SOX5: variants seen among roughly 807,000 people sequenced by gnomAD.
SOX5 encodes the protein transcription factor SOX-5.
Under a neutral mutation model 92.0 loss-of-function variants are expected in SOX5, and 9 were observed. The observed-to-expected ratio is 0.10, with a 90% CI of 0.06 to 0.17. The LOEUF (loss-of-function observed/expected upper bound fraction) is 0.17. Ranked by LOEUF, SOX5 falls within the 10% of genes least tolerant of loss-of-function variation. The pLI, the probability that SOX5 is intolerant of heterozygous loss-of-function variation, is 1.00. For missense variants in SOX5, 642 were observed against 944.5 expected, an observed-to-expected ratio of 0.68 and a Z score of 4.20; for synonymous variants, 344 against 336.3, an observed-to-expected ratio of 1.02 and a Z score of -0.25.
chr12:24,171,915 TTTAAG>T (rs1454836749), intron 4 of SOX5, among the ~76,000 whole-genome samples: 1 of 152,050 alleles, frequency 6.6e-6, no homozygotes, highest in Non-Finnish European at 1.5e-5. Context: ...GAAAGTGGCA[TTTAAG>T]TTGAGTCTTG....
chr12:23,674,484 C>T (rs771907211), intron 6 of SOX5, among the ~76,000 whole-genome samples: 2 of 151,482 alleles, frequency 1.3e-5, no homozygotes, highest in Non-Finnish European at 2.9e-5. Flanking sequence ...ATCACAGGCA[C>T]ACACCACCGC....
chr12:24,552,093 A>G (rs575214500), intron 1 of SOX5, among the ~76,000 whole-genome samples: 14 of 151,738 alleles, frequency 9.2e-5, no homozygotes, highest in Non-Finnish European at 1.8e-4. Flanking sequence ...CCACTCCCCA[A>G]CCCCTAGATT....
intron 4 of SOX5, among the ~76,000 whole-genome samples, chr12:24,074,188 T>C (rs1024548453): frequency 1.3e-5 from 2 of 152,184 alleles, no homozygotes; most frequent in African/African-American, 4.8e-5. Flanking sequence ...TGATCTCTCA[T>C]CAGGTCACAC....
At chr12:23,644,922 A>G (rs1384784461) in intron 7 of SOX5, among the ~76,000 whole-genome samples, 2 of 152,218 alleles carry the variant, frequency 1.3e-5, no homozygotes, top group African/African-American at 4.8e-5. Context: ...TCTTAAAATT[A>G]ACAAAAGCAA....
At chr12:23,798,827 T>A (rs2095611049) in intron 3 of SOX5, among the ~76,000 whole-genome samples, 1 of 152,034 alleles carries the variant, frequency 6.6e-6, no homozygotes, top group Non-Finnish European at 1.5e-5. Context: ...AGACTCATAT[T>A]AGAAACATAC....
intron 4 of SOX5, among the ~76,000 whole-genome samples, chr12:24,034,009 A>G (rs1013422086): frequency 3.1e-4 from 47 of 152,086 alleles, no homozygotes; most frequent in Non-Finnish European, 1.3e-4. Flanking sequence ...TCTATATTTT[A>G]TAAGTCCAGT....
At chr12:24,225,440 G>T (rs1273875803) in intron 3 of SOX5, among the ~76,000 whole-genome samples, 1 of 150,648 alleles carries the variant, frequency 6.6e-6, no homozygotes, top group African/African-American at 2.4e-5. Flanking sequence ...TTGGGCATCA[G>T]GAAAAGCCAT....
At chr12:24,162,913 C>T (rs1952929208) in intron 4 of SOX5, among the ~76,000 whole-genome samples, 1 of 152,130 alleles carries the variant, frequency 6.6e-6, no homozygotes, top group Non-Finnish European at 1.5e-5. Context: ...CACTGATGCC[C>T]TCAGCCTTCT....
intron 8 of SOX5, among the ~76,000 whole-genome samples, chr12:23,614,096 C>T (rs1465134125): frequency 3.9e-5 from 6 of 152,062 alleles, no homozygotes; most frequent in African/African-American, 1.2e-4. Flanking sequence ...ATCTTGACTT[C>T]GACTGACTTG....
At chr12:24,037,418 A>T (rs995052310) in intron 4 of SOX5, among the ~76,000 whole-genome samples, 1 of 152,178 alleles carries the variant, frequency 6.6e-6, no homozygotes, top group Non-Finnish European at 1.5e-5. Context: ...ATCAATCATT[A>T]TGTGAACCAA....
chr12:24,010,890 G>A (rs1952843248), intron 4 of SOX5, among the ~76,000 whole-genome samples: 1 of 151,226 alleles, frequency 6.6e-6, no homozygotes, highest in Admixed American at 6.6e-5. Flanking sequence ...AGTGAGCCGA[G>A]ATCATGCCAC....
chr12:24,132,191 G>A (rs1348208096), intron 4 of SOX5, among the ~76,000 whole-genome samples: 4 of 152,092 alleles, frequency 2.6e-5, no homozygotes, highest in South Asian at 4.1e-4. Flanking sequence ...ATACAGAAAC[G>A]ATAGATAATC....
At chr12:24,200,453 G>T (rs904921832) in intron 4 of SOX5, among the ~76,000 whole-genome samples, 3 of 151,742 alleles carry the variant, frequency 2.0e-5, no homozygotes, top group African/African-American at 7.3e-5. Context: ...GCATATACAT[G>T]AATGATAAGG....
chr12:23,977,795 C>G (rs1420374279), intron 4 of SOX5, among the ~76,000 whole-genome samples: 5 of 142,452 alleles, frequency 3.5e-5, no homozygotes, highest in Non-Finnish European at 7.8e-5. Flanking sequence ...CTTCCTTGTT[C>G]CTCTTGAACC....
intron 6 of SOX5, among the ~76,000 whole-genome samples, chr12:23,679,076 A>G (rs990595915): frequency 2.0e-5 from 3 of 152,202 alleles, no homozygotes; most frequent in Admixed American, 6.5e-5. Context: ...CTTTTCTGCT[A>G]TAATACAAGT....
chr12:24,310,250 AAAC>A (rs1949043051), intron 2 of SOX5, among the ~76,000 whole-genome samples: 1 of 152,180 alleles, frequency 6.6e-6, no homozygotes, highest in Admixed American at 6.5e-5. Flanking sequence ...AATCACGGAT[AAAC>A]AATATCTATC....
rs553892338 is a variant in SOX5, at chr12:24,156,865, G to A, written c.-2+56478C>T. Reference sequence around the variant, plus strand: ...GAGAAGGTAAAACTTGTGAGAAAATGTCTTTTGGTAAATAATGGTGTTTTA... The same window carrying A: ...GAGAAGGTAAAACTTGTGAGAAAATATCTTTTGGTAAATAATGGTGTTTTA... On this transcript the variant is annotated intron_variant, in intron 4 of 4. Transcript: ENST00000446891. Among the ~76,000 whole-genome samples, 4 of 152,196 alleles carry A rather than the reference G, an allele frequency of 2.6e-5. No homozygotes were observed. In the South Asian group the frequency reaches 8.3e-4, roughly 32 times the overall value.
At chr12:24,285,883 A>T (rs568592173) in intron 2 of SOX5, among the ~76,000 whole-genome samples, 9 of 152,202 alleles carry the variant, frequency 5.9e-5, no homozygotes, top group Non-Finnish European at 1.3e-4. Flanking sequence ...GGAAAAAGAT[A>T]AAAATAATAT....
chr12:23,958,428 T>C (rs1946521408), intron 4 of SOX5, among the ~76,000 whole-genome samples: 1 of 152,042 alleles, frequency 6.6e-6, no homozygotes, highest in South Asian at 2.1e-4. Flanking sequence ...TATATGGACA[T>C]CCTAGTCTGC....
Sources: allele counts gnomAD v4.1 joint callset (sites outside exome capture counted in the v4.1 genomes callset), GRCh38; gene constraint gnomAD v4.1.1; transcripts MANE v1.5; gene names NCBI Gene and HGNC (gene_info 2026-07-23, HGNC 2026-07-21).